GARIN5A: variants seen among roughly 807,000 people sequenced by gnomAD.
GARIN5A encodes the protein Golgi-associated RAB2 interactor protein 5A.
the GARIN5A span, chr19:50,476,236 C>T: frequency 6.2e-7 from 1 of 1,613,362 alleles, no homozygotes; most frequent in Non-Finnish European, 8.5e-7. Context: ...GACGGAGGAG[C>T]AGAGGGAGAA....
the GARIN5A span, chr19:50,476,208 C>A: frequency 2.5e-6 from 4 of 1,613,754 alleles, no homozygotes; most frequent in Non-Finnish European, 3.4e-6. Context: ...ATTGCAATGT[C>A]CCCGTCCGAC....
At chr19:50,475,820 T>A in the GARIN5A span, 1 of 1,597,096 alleles carries the variant, frequency 6.3e-7, no homozygotes. Context: ...GAGGGGGTTC[T>A]GGGGCTCCCT....
chr19:50,475,438 T>C, the GARIN5A span: 2 of 1,608,020 alleles, frequency 1.2e-6, no homozygotes, highest in South Asian at 1.1e-5. Flanking sequence ...CGTTGGCAAC[T>C]TCTCCCAACC....
the GARIN5A span, among the ~76,000 whole-genome samples, chr19:50,471,961 T>A: frequency 4.1e-5 from 6 of 147,826 alleles, no homozygotes; most frequent in East Asian, 4.3e-4. Flanking sequence ...CATGTATGTA[T>A]GTATATATAC....
the GARIN5A span, among the ~76,000 whole-genome samples, chr19:50,474,203 T>C: frequency 1.1e-4 from 17 of 151,030 alleles, no homozygotes; most frequent in Non-Finnish European, 2.1e-4. Flanking sequence ...TGAGACAGAG[T>C]CTCACTCATT....
the GARIN5A span, chr19:50,475,516 C>T: frequency 1.1e-5 from 16 of 1,489,346 alleles, no homozygotes; most frequent in Non-Finnish European, 1.5e-5. Context: ...GAGGAGGGAT[C>T]AGAGGTTAGG....
chr19:50,471,279 GTTTGT>G, the GARIN5A span, among the ~76,000 whole-genome samples: 1 of 150,360 alleles, frequency 6.7e-6, no homozygotes, highest in African/African-American at 2.5e-5. Flanking sequence ...CTGCTGGTTT[GTTTGT>G]TTTGAGATAG....
chr19:50,472,079 C>CGTGTGTAT, the GARIN5A span, among the ~76,000 whole-genome samples: 32 of 98,448 alleles, frequency 3.3e-4, no homozygotes, highest in East Asian at 4.7e-3. Context: ...TGTATATATA[C>CGTGTGTAT]ATGTGTGTAT....
At chr19:50,471,768 A>ACATGCATGTGTATACG in the GARIN5A span, among the ~76,000 whole-genome samples, 39 of 138,332 alleles carry the variant, frequency 2.8e-4, 1 homozygote, top group African/African-American at 1.2e-3. Flanking sequence ...GTATACGCAT[A>ACATGCATGTGTATACG]CATACCTGTG....
the GARIN5A span, among the ~76,000 whole-genome samples, chr19:50,472,187 C>CGTGTGTAT: frequency 7.7e-3 from 913 of 118,910 alleles, 53 homozygotes; most frequent in African/African-American, 0.036. Flanking sequence ...TGTATGTATA[C>CGTGTGTAT]ATGTATGTGT....
the GARIN5A span, chr19:50,475,462 C>A: frequency 9.4e-6 from 15 of 1,600,928 alleles, no homozygotes; most frequent in Non-Finnish European, 1.3e-5. Flanking sequence ...TCACCTGGGG[C>A]CAGAGGTCAG....
chr19:50,471,369 A>G, the GARIN5A span, among the ~76,000 whole-genome samples: 1 of 151,872 alleles, frequency 6.6e-6, no homozygotes, highest in African/African-American at 2.4e-5. Flanking sequence ...CCTGGGCTCA[A>G]ATGATTCTCC....
the GARIN5A span, among the ~76,000 whole-genome samples, chr19:50,469,531 C>T: frequency 7.2e-3 from 1,097 of 152,240 alleles, 12 homozygotes; most frequent in African/African-American, 0.024. Flanking sequence ...CCCTGGTACC[C>T]GCAGCTGACA....
chr19:50,472,084 G>A, the GARIN5A span, among the ~76,000 whole-genome samples: 35 of 92,860 alleles, frequency 3.8e-4, no homozygotes, highest in East Asian at 4.5e-3. Flanking sequence ...ATATACATGT[G>A]TGTATATGTA....
At chr19:50,476,292 C>A in the GARIN5A span, 5 of 1,602,544 alleles carry the variant, frequency 3.1e-6, no homozygotes, top group South Asian at 5.6e-5. Context: ...TGATGCGGAG[C>A]GGGCTTTATG....
the GARIN5A span, among the ~76,000 whole-genome samples, chr19:50,471,859 C>T: frequency 1.3e-5 from 2 of 148,898 alleles, no homozygotes; most frequent in African/African-American, 2.5e-5. Context: ...CGCATACATA[C>T]ATGTGTATAT....
At chr19:50,476,647 G>A in the GARIN5A span, 5 of 1,532,992 alleles carry the variant, frequency 3.3e-6, no homozygotes, top group African/African-American at 6.9e-5. Flanking sequence ...GGCCGGGACT[G>A]GTGCGCGAGG....
the GARIN5A span, chr19:50,475,171 C>T: frequency 8.3e-7 from 1 of 1,211,044 alleles, no homozygotes; most frequent in Non-Finnish European, 1.1e-6. Context: ...CTGCTCTGTC[C>T]TTGTTCTCCC....
chr19:50,471,972 A>G, the GARIN5A span, among the ~76,000 whole-genome samples: 4 of 149,812 alleles, frequency 2.7e-5, no homozygotes, highest in Non-Finnish European at 5.9e-5. Flanking sequence ...GTATATATAC[A>G]TGTATGTGTG....
Sources: allele counts gnomAD v4.1 joint callset (sites outside exome capture counted in the v4.1 genomes callset), GRCh38; gene constraint gnomAD v4.1.1; transcripts MANE v1.5; gene names NCBI Gene and HGNC (gene_info 2026-07-23, HGNC 2026-07-21).